HAUS8: variants seen among roughly 807,000 people sequenced by gnomAD.
The protein encoded by HAUS8 is HAUS augmin-like complex subunit 8.
Under a neutral mutation model 42.9 loss-of-function variants are expected in HAUS8, and 38 were observed. That is an observed-to-expected ratio of 0.89 (90% confidence interval 0.68 to 1.16). HAUS8 has a LOEUF of 1.16. Ranked by LOEUF, HAUS8 falls within the 50% of genes most tolerant of loss-of-function variation. HAUS8 has a pLI of 0.00. For synonymous variants in HAUS8, 199 were observed against 205.8 expected (o/e 0.97, Z 0.28); for missense variants, 494 against 511.6 (o/e 0.97, Z 0.33).
chr19:17,065,203 T>C (rs182436042), intron 3 of HAUS8, among the ~76,000 whole-genome samples: 8 of 152,376 alleles, frequency 5.3e-5, no homozygotes, highest in Admixed American at 1.3e-4. Flanking sequence ...ACTTTTCATC[T>C]ATGTGCCTAG....
intron 6 of HAUS8, 87 bp downstream of exon 6, chr19:17,059,470 G>A (rs951417170): frequency 1.7e-5 from 15 of 877,286 alleles, no homozygotes; most frequent in South Asian, 2.9e-5. Flanking sequence ...TCTTGGATCC[G>A]TGGGCACTCA....
At chr19:17,059,925 G>T in intron 5 of HAUS8, 72 bp downstream of exon 5, 1 of 1,077,380 alleles carries the variant, frequency 9.3e-7, no homozygotes, top group Non-Finnish European at 1.4e-6. Context: ...TAGGCCAATT[G>T]TACTTTGGAA....
intron 2 of HAUS8, among the ~76,000 whole-genome samples, chr19:17,071,083 A>AG (rs35030363): frequency 6.7e-6 from 1 of 150,082 alleles, no homozygotes. Context: ...AAAAAAAAAA[A>AG]CGGTTCTGCA....
At chr19:17,057,865 T>C (rs2057335792) in intron 8 of HAUS8, among the ~76,000 whole-genome samples, 1 of 152,058 alleles carries the variant, frequency 6.6e-6, no homozygotes, top group Non-Finnish European at 1.5e-5. Context: ...ACGACTGGTG[T>C]CTTGTGGGGA....
intron 4 of HAUS8, among the ~76,000 whole-genome samples, chr19:17,061,258 G>A (rs1312904021): frequency 6.6e-6 from 1 of 152,036 alleles, no homozygotes; most frequent in African/African-American, 2.4e-5. Context: ...AGCCTCCTGG[G>A]TAACTGAGAA....
chr19:17,060,217 G>T, intron 4 of HAUS8, 125 bp from the exon 5 acceptor site: 2 of 396,576 alleles, frequency 5.0e-6, no homozygotes, highest in Non-Finnish European at 8.7e-6. Context: ...CGTCCAAGGT[G>T]GAAAGGCTAA....
chr19:17,052,519 A>C (rs1397909653), intron 10 of HAUS8: 1 of 232,456 alleles, frequency 4.3e-6, no homozygotes, highest in African/African-American at 2.3e-5. Flanking sequence ...TTGAGGTTGC[A>C]GTGAGCTGAG....
chr19:17,066,081 G>A (rs1174639565), intron 3 of HAUS8, among the ~76,000 whole-genome samples: 6 of 151,628 alleles, frequency 4.0e-5, no homozygotes, highest in Admixed American at 1.3e-4. Context: ...TCAGCCTCCC[G>A]AGTAGCTGGG....
At chr19:17,054,412 T>C (rs1053470534) in intron 9 of HAUS8, among the ~76,000 whole-genome samples, 2 of 151,918 alleles carry the variant, frequency 1.3e-5, no homozygotes, top group East Asian at 1.9e-4. Context: ...ACCCAGTGCT[T>C]TGGGAGGCCA....
chr19:17,068,099 C>CTTTTTTT (rs889723027), intron 3 of HAUS8, among the ~76,000 whole-genome samples: 16 of 93,500 alleles, frequency 1.7e-4, no homozygotes, highest in Non-Finnish European at 2.9e-4. Flanking sequence ...TTATTTTATT[C>CTTTTTTT]TTTTTTTTTT....
rs779398562 is a variant in HAUS8, at chr19:17,073,289, CCTT to C, written c.73_75del (p.Lys25del). On this transcript the variant is annotated inframe_deletion, in exon 2 of 11. Coordinates refer to ENST00000253669, the MANE Select transcript of HAUS8 (RefSeq NM_033417.2). ...CACTGCTTACCTTGAACTCTTTTAT[CCTT>C]CTTCTTGGCACTGCTAGAATTTGTG... 31 of 1,613,838 alleles carry C rather than the reference CCTT, an allele frequency of 1.9e-5. No homozygotes were observed. Among genetic ancestry groups the C allele is most frequent in the Middle Eastern group, 1.6e-4 (1 of 6,084 alleles).
At chr19:17,053,113 A>C (rs2057298427) in intron 9 of HAUS8, 147 bp from the exon 10 acceptor site, 1 of 864,392 alleles carries the variant, frequency 1.2e-6, no homozygotes. Flanking sequence ...GCAGAAGCCA[A>C]GGAAGACATT....
chr19:17,056,889 A>G (rs1410214441), intron 8 of HAUS8, among the ~76,000 whole-genome samples: 3 of 151,896 alleles, frequency 2.0e-5, no homozygotes, highest in East Asian at 1.9e-4. Context: ...CTGCACATAC[A>G]TATTTTTTAT....
intron 2 of HAUS8, among the ~76,000 whole-genome samples, chr19:17,071,305 C>T (rs891069457): frequency 8.5e-5 from 13 of 152,178 alleles, no homozygotes; most frequent in Non-Finnish European, 1.5e-4. Flanking sequence ...AACAAGGATC[C>T]TTCAGTCAGC....
chr19:17,075,143 G>A (rs1164960990), intron 1 of HAUS8: 1 of 553,240 alleles, frequency 1.8e-6, no homozygotes, highest in Admixed American at 3.1e-5. Context: ...GCGAGGCACT[G>A]GGCGGTCAGG....
chr19:17,055,137 AAAAAAAATATATATATATATATATAT>A (rs1568634820), intron 9 of HAUS8: 3 of 33,324 alleles, frequency 9.0e-5, no homozygotes, highest in African/African-American at 3.9e-4. Context: ...AAAAAAAAAA[AAAAAAAATATATATATATATATATAT>A]ATATATATAT....
At position 17,058,559 on chromosome 19, in the gene HAUS8, A is replaced by G; in HGVS notation, c.635T>C (p.Leu212Pro). 6.3e-7 allele frequency: 1 copy of G among 1,599,100 alleles called. No homozygotes were observed. Among genetic ancestry groups the G allele is most frequent in the Non-Finnish European group, 8.5e-7 (1 of 1,174,896 alleles). ...TCACTTACAACTGACCTGGGCATCCAGGACATCTGCCAGCTCCCGCTTCCT... is the reference window on the plus strand; with the variant it reads ...TCACTTACAACTGACCTGGGCATCCGGGACATCTGCCAGCTCCCGCTTCCT... ...SQRKRELADV[L>P]DAQIEMLSPF... Residue 212 changes from leucine to proline, a missense_variant, in exon 8 of 11, where the codon CTG (leucine) becomes CCG (proline). Coordinates refer to ENST00000253669, the MANE Select transcript of HAUS8 (RefSeq NM_033417.2).
intron 9 of HAUS8, 62 bp from the exon 10 acceptor site, chr19:17,053,028 A>G: frequency 6.2e-7 from 1 of 1,600,442 alleles, no homozygotes; most frequent in Non-Finnish European, 8.6e-7. Context: ...GGCACACACA[A>G]GTGGAGCGGC....
At chr19:17,073,889 C>T (rs888922883) in intron 1 of HAUS8, 1 of 156,662 alleles carries the variant, frequency 6.4e-6, no homozygotes, top group African/African-American at 2.4e-5. Flanking sequence ...GTAGTCCCTC[C>T]TACTCAGGAG....
Sources: allele counts gnomAD v4.1 joint callset (sites outside exome capture counted in the v4.1 genomes callset), GRCh38; gene constraint gnomAD v4.1.1; transcripts MANE v1.5; gene names NCBI Gene and HGNC (gene_info 2026-07-23, HGNC 2026-07-21).